Variants in APBA2 observed in about 807,000 individuals in gnomAD.
APBA2 encodes amyloid beta precursor protein binding family A member 2.
APBA2 carries 30 observed loss-of-function variants against 75.0 expected under a neutral mutation model. That is an observed-to-expected ratio of 0.40 (90% confidence interval 0.30 to 0.54). The LOEUF (loss-of-function observed/expected upper bound fraction) is 0.54. Among genes scored for constraint, APBA2 ranks in the 20% least tolerant of loss-of-function variants. The pLI, the probability that APBA2 is intolerant of heterozygous loss-of-function variation, is 0.49. For missense variants in APBA2, 801 were observed against 1,016.1 expected (o/e 0.79, Z 2.88); for synonymous variants, 444 against 409.6 (o/e 1.08, Z -1.01).
At chr15:28,894,739 G>A (rs1389148759) in intron 1 of APBA2, among the ~76,000 whole-genome samples, 2 of 152,174 alleles carry the variant, frequency 1.3e-5, no homozygotes, top group East Asian at 1.9e-4. Context: ...GCGAACTCTA[G>A]GAGAGTGATT....
In APBA2 at chr15:29,106,717, G is replaced by T. The variant is rs140055297; in HGVS notation, c.1815G>T (p.Pro605=). 1 of 1,612,962 alleles carries T rather than the reference G, an allele frequency of 6.2e-7. No homozygotes were observed. The highest frequency in any genetic ancestry group is 8.5e-7 in the Non-Finnish European group (1 of 1,180,000). Residue 605 remains proline, a synonymous_variant, in exon 12 of 15, where the codon CCG becomes CCT. Transcript: ENST00000683413. ...TGGCCAACATGATGAATGGCGGCCC[G>T]GCTGCCCGCTCGGGGAAGCTGAGCA... The part of the protein sequence containing the change: ...VILANMMNGG[P]AARSGKLSIG...
At chr15:29,008,784 TA>T (rs2039258381) in intron 3 of APBA2, among the ~76,000 whole-genome samples, 1 of 152,142 alleles carries the variant, frequency 6.6e-6, no homozygotes, top group Non-Finnish European at 1.5e-5. Flanking sequence ...ATATGAATTC[TA>T]CCCACAGTCA....
intron 1 of APBA2, among the ~76,000 whole-genome samples, chr15:28,917,062 GA>G (rs1371526477): frequency 2.6e-5 from 4 of 152,194 alleles, no homozygotes; most frequent in African/African-American, 9.7e-5. Context: ...TGAATAGAGA[GA>G]GGGGGACTCT....
At chr15:29,074,691 A>G (rs2042770930) in intron 4 of APBA2, among the ~76,000 whole-genome samples, 1 of 152,222 alleles carries the variant, frequency 6.6e-6, no homozygotes, top group Non-Finnish European at 1.5e-5. Context: ...ACTGCAATCA[A>G]AAGATAACAA....
intron 2 of APBA2, among the ~76,000 whole-genome samples, chr15:28,950,356 CGGTG>C (rs2035790692): frequency 2.0e-5 from 3 of 151,782 alleles, no homozygotes; most frequent in Non-Finnish European, 4.4e-5. Context: ...CAGCGGGGTG[CGGTG>C]GCTCATGCCT....
At chr15:28,906,261 G>A (rs1427005610) in intron 1 of APBA2, among the ~76,000 whole-genome samples, 1 of 152,182 alleles carries the variant, frequency 6.6e-6, no homozygotes, top group Non-Finnish European at 1.5e-5. Context: ...TAAAGAAAGT[G>A]TGGCACATAT....
At chr15:28,977,086 G>A (rs1278920134) in intron 2 of APBA2, 1 of 152,096 alleles carries the variant, frequency 6.6e-6, no homozygotes, top group African/African-American at 2.4e-5. Flanking sequence ...GTGAGTATGT[G>A]AGCCTTAGTT....
intron 3 of APBA2, among the ~76,000 whole-genome samples, chr15:29,021,812 C>T (rs2039970831): frequency 6.6e-6 from 1 of 152,098 alleles, no homozygotes; most frequent in Non-Finnish European, 1.5e-5. Context: ...TTCCCCTACC[C>T]CCAGCTCCTG....
chr15:29,079,536 C>T (rs112145168), intron 6 of APBA2, among the ~76,000 whole-genome samples: 2 of 152,088 alleles, frequency 1.3e-5, no homozygotes, highest in African/African-American at 4.8e-5. Flanking sequence ...TAGTGTTGGC[C>T]AGACAATCAA....
chr15:29,093,999 T>A (rs993407092), intron 7 of APBA2, among the ~76,000 whole-genome samples: 4 of 152,246 alleles, frequency 2.6e-5, no homozygotes, highest in African/African-American at 7.2e-5. Flanking sequence ...CTCCGCTGCC[T>A]GGAGCTCAGC....
intron 1 of APBA2, among the ~76,000 whole-genome samples, chr15:28,899,557 G>A (rs1007037879): frequency 6.6e-6 from 1 of 152,200 alleles, no homozygotes. Flanking sequence ...GGAGGCTTCC[G>A]TATGCTCAGG....
At chr15:28,983,412 G>C (rs1483591773) in intron 2 of APBA2, among the ~76,000 whole-genome samples, 1 of 152,214 alleles carries the variant, frequency 6.6e-6, no homozygotes, top group African/African-American at 2.4e-5. Flanking sequence ...CCAGAGTCCT[G>C]TTCTGATACT....
rs533721672 is a variant in APBA2 at position 29,111,175 on chromosome 15, C to G, written c.2038-2701C>G. On this transcript the variant is annotated intron_variant, in intron 13 of 14. Transcript: ENST00000683413. ...ACGGCTCGGTGTCTCTGCCCTGGGT[C>G]TAGGGTCTGAGTTCCGGAGTGATGG... Among the ~76,000 whole-genome samples, 16 of 151,750 alleles carry G rather than the reference C, an allele frequency of 1.1e-4. No homozygotes were observed. In the South Asian group the frequency reaches 3.3e-3, roughly 32 times the overall value.
Position 29,117,052 on chromosome 15 carries a change from C to T in APBA2, c.2179-10C>T. 1 of 1,613,070 alleles carries T rather than the reference C, an allele frequency of 6.2e-7. No individual in the cohort carries two copies. The highest frequency in any genetic ancestry group is 8.5e-7 in the Non-Finnish European group (1 of 1,179,830). ...AGGGCAGCGGCTCAGCCTCCTGTTT[C>T]TGTCCGCAGATCCACATGAAGACCA... On this transcript the variant is annotated splice_polypyrimidine_tract_variant and intron_variant, in intron 14 of 14. Transcript: ENST00000683413.
At chr15:28,964,196 A>G (rs535830590) in intron 2 of APBA2, among the ~76,000 whole-genome samples, 1 of 152,372 alleles carries the variant, frequency 6.6e-6, no homozygotes, top group South Asian at 2.1e-4. Context: ...GCTGGATTGC[A>G]TGGTAAATTC....
rs529066183 is a variant in APBA2 at position 28,910,869 on chromosome 15, G to A, written c.-204-10771G>A. ...TTCTGTTAAATGGGCTTGATATGAA[G>A]TTATTTAAAAATTCAAATATTTAGA... On this transcript the variant is annotated intron_variant, in intron 1 of 14. Transcript: ENST00000683413. 5.9e-5 allele frequency among the ~76,000 whole-genome samples: 9 copies of A among 152,246 alleles called. No homozygotes were observed. In the East Asian group the frequency reaches 1.7e-3, roughly 29 times the overall value.
chr15:28,969,053 C>T lies in APBA2; in HGVS notation c.-94-26700C>T, dbSNP rs545060620. Among the ~76,000 whole-genome samples, 7 of 152,166 alleles carry T rather than the reference C, an allele frequency of 4.6e-5. No homozygotes were observed. In the East Asian group the frequency reaches 5.8e-4, roughly 13 times the overall value. On this transcript the variant is annotated intron_variant, in intron 2 of 14. Transcript: ENST00000683413. ...TCGGAAGTCAAGGCAGGAGGATCAT[C>T]GGAGCTCAGGAGTTAGAGATCAGTC... is the stretch of plus-strand genomic sequence containing the variant.
chr15:28,968,055 C>T (rs2036836768), intron 2 of APBA2, among the ~76,000 whole-genome samples: 4 of 152,236 alleles, frequency 2.6e-5, no homozygotes, highest in Non-Finnish European at 2.9e-5. Context: ...TATTTTTGTG[C>T]GTGACTGACT....
At chr15:28,907,198 A>G (rs1368025241) in intron 1 of APBA2, among the ~76,000 whole-genome samples, 3 of 152,134 alleles carry the variant, frequency 2.0e-5, no homozygotes, top group Admixed American at 6.5e-5. Flanking sequence ...TAGTTTTTTT[A>G]TAGGAGTATT....
Sources: allele counts gnomAD v4.1 joint callset (sites outside exome capture counted in the v4.1 genomes callset), GRCh38; gene constraint gnomAD v4.1.1; transcripts MANE v1.5; gene names NCBI Gene and HGNC (gene_info 2026-07-23, HGNC 2026-07-21).